Variants in ZNF486 observed in about 807,000 individuals in gnomAD.
The protein encoded by ZNF486 is KRAB box only protein 2.
Under a neutral mutation model 12.8 loss-of-function variants are expected in ZNF486, and 12 were observed. The ratio of observed to expected loss-of-function variants is 0.94; its 90% CI spans 0.60 to 1.52. ZNF486 has a LOEUF of 1.52. Among genes scored for constraint, ZNF486 ranks in the 40% most tolerant of loss-of-function variants. The pLI, the probability that ZNF486 is intolerant of heterozygous loss-of-function variation, is 0.00. For missense variants in ZNF486, 738 were observed against 545.0 expected, an observed-to-expected ratio of 1.35 and a Z score of -3.53; for synonymous variants, 231 against 184.9, an observed-to-expected ratio of 1.25 and a Z score of -2.02.
At position 20,169,090 on chromosome 19, in the gene ZNF486, C is replaced by T. The variant is rs534469906; in HGVS notation, c.30+1730C>T. 2.4e-3 allele frequency among the ~76,000 whole-genome samples: 362 copies of T among 152,158 alleles called. 4 individuals are homozygous for T. The highest frequency in any genetic ancestry group is 8.2e-3 in the African/African-American group (342 of 41,516). On this transcript the variant is annotated intron_variant, in intron 1 of 3. Transcript: ENST00000335117. ...TCCTGACCTTGTGATCCGCCTACCT[C>T]AGCCTCCCGAAGTGGTGGGGTTACT...
rs782490115 is a variant in ZNF486 at position 20,193,298 on chromosome 19, CTT to C, written c.254-3653_254-3652del. Among the ~76,000 whole-genome samples, 483 of 142,696 alleles carry C rather than the reference CTT, an allele frequency of 3.4e-3. 8 individuals carry two copies. The highest frequency in any genetic ancestry group is 0.029 in the Admixed American group (407 of 14,184). The allele number at this position is 142,696 out of a possible 152,430, so 93.6% of individuals were successfully genotyped here. On this transcript the variant is annotated intron_variant, in intron 3 of 3. Transcript: ENST00000335117. ...AAACTTTAAAGTTTTTATGTACCAT[CTT>C]TTTTTTTTTTTTGAAACTGGGTCTC...
chr19:20,174,403 T>C (rs536725427), intron 1 of ZNF486, among the ~76,000 whole-genome samples: 1 of 147,532 alleles, frequency 6.8e-6, no homozygotes, highest in African/African-American at 2.4e-5. Context: ...CTTTCTTCTT[T>C]TTTTTTTTTG....
intron 3 of ZNF486, among the ~76,000 whole-genome samples, chr19:20,191,809 A>T (rs922465433): frequency 6.6e-5 from 10 of 152,090 alleles, no homozygotes; most frequent in Non-Finnish European, 1.3e-4. Flanking sequence ...ATGCAGTCTC[A>T]AGTATTCCTC....
chr19:20,185,912 T>A, intron 2 of ZNF486, 75 bp from the exon 3 acceptor site: 2 of 864,006 alleles, frequency 2.3e-6, no homozygotes, highest in Non-Finnish European at 3.3e-6. Context: ...ATTACATTCT[T>A]TCTGCTGAGC....
intron 1 of ZNF486, among the ~76,000 whole-genome samples, chr19:20,169,694 CTAAT>C (rs1286769041): frequency 6.6e-6 from 1 of 151,598 alleles, no homozygotes; most frequent in Non-Finnish European, 1.5e-5. Context: ...AAAGTACCAA[CTAAT>C]TATAAGGTCT....
At chr19:20,189,174 A>G (rs193117391) in intron 3 of ZNF486, among the ~76,000 whole-genome samples, 2 of 152,126 alleles carry the variant, frequency 1.3e-5, no homozygotes, top group East Asian at 3.9e-4. Context: ...TCCTGGGTTC[A>G]AGCAATTCTG....
At chr19:20,179,197 A>G (rs1000817571) in intron 1 of ZNF486, among the ~76,000 whole-genome samples, 17 of 152,240 alleles carry the variant, frequency 1.1e-4, no homozygotes, top group African/African-American at 4.1e-4. Flanking sequence ...GGCACAAGTG[A>G]CTATAAATTA....
At position 20,167,276 on chromosome 19, in the gene ZNF486, A is replaced by T; in HGVS notation, c.-55A>T. On this transcript the variant is annotated 5_prime_UTR_variant, in exon 1 of 4. Transcript: ENST00000335117. ...GCTACTCTGTGTCCTCTGCTCCTAG[A>T]GGCCCACCCTCTGTGGCCCTGTGTC... 6.2e-7 allele frequency: 1 copy of T among 1,611,692 alleles called. No homozygotes were observed. The highest frequency in any genetic ancestry group is 8.5e-7 in the Non-Finnish European group (1 of 1,177,876).
rs144322840 is a variant in ZNF486 at position 20,199,607 on chromosome 19, G to C, written c.*1505G>C. The C allele has an allele frequency of 6.6e-6, 1 of 151,238 alleles. No individual in the cohort carries two copies. Among genetic ancestry groups the C allele is most frequent in the Admixed American group, 6.6e-5 (1 of 15,152 alleles). The allele number at this position is 151,238 out of a possible 1,614,324, so 9.4% of individuals were successfully genotyped here. A position where few individuals can be genotyped will look rare whatever the true frequency, so the allele number is the denominator to read the frequency against. On this transcript the variant is annotated 3_prime_UTR_variant, in exon 4 of 4. Coordinates refer to ENST00000335117, the MANE Select transcript of ZNF486 (RefSeq NM_052852.4). ...TAGCCATGCATGGTGGCACATGCCT[G>C]TAATCCCAGCTACTCAGGAGGCTTG...
rs951512344 is a variant in ZNF486 at position 20,199,694 on chromosome 19, G to C, written c.*1592G>C. ...TTGCACTCCAGCCTGGGCAATAAGA[G>C]TGAAACTCTGTCTCCAGGAAAAAAA... is the stretch of plus-strand genomic sequence containing the variant. On this transcript the variant is annotated 3_prime_UTR_variant, in exon 4 of 4. Transcript: ENST00000335117. 4.0e-5 allele frequency: 6 copies of C among 151,414 alleles called. No individual in the cohort carries two copies. The highest frequency in any genetic ancestry group is 7.4e-5 in the Non-Finnish European group (5 of 67,934). 9.4% of individuals were successfully genotyped at this position (151,414 alleles called of 1,614,324 possible).
At chr19:20,189,312 C>G (rs184248835) in intron 3 of ZNF486, among the ~76,000 whole-genome samples, 2 of 152,144 alleles carry the variant, frequency 1.3e-5, no homozygotes, top group African/African-American at 4.8e-5. Flanking sequence ...CTCAGGTAAT[C>G]ACCCACCTTG....
intron 1 of ZNF486, among the ~76,000 whole-genome samples, chr19:20,170,596 C>T (rs1324695833): frequency 6.6e-6 from 1 of 151,816 alleles, no homozygotes; most frequent in African/African-American, 2.4e-5. Context: ...AGAAATTTGA[C>T]CACTGAAGAC....
intron 2 of ZNF486, among the ~76,000 whole-genome samples, chr19:20,185,755 T>G (rs1022326743): frequency 6.6e-6 from 1 of 151,672 alleles, no homozygotes; most frequent in South Asian, 2.1e-4. Flanking sequence ...AAATATAAGA[T>G]TGTATGATCT....
chr19:20,189,262 G>A (rs1261025219), intron 3 of ZNF486, among the ~76,000 whole-genome samples: 1 of 152,046 alleles, frequency 6.6e-6, no homozygotes, highest in Non-Finnish European at 1.5e-5. Flanking sequence ...TAGTATTATG[G>A]GGTTTATTAT....
chr19:20,186,974 G>A (rs190581902), intron 3 of ZNF486, among the ~76,000 whole-genome samples: 2 of 150,912 alleles, frequency 1.3e-5, no homozygotes, highest in East Asian at 3.9e-4. Flanking sequence ...TTTGTAGAGA[G>A]GGGTTTCACC....
chr19:20,184,707 T>G (rs1021188671), intron 2 of ZNF486, among the ~76,000 whole-genome samples: 4 of 152,192 alleles, frequency 2.6e-5, no homozygotes, highest in Non-Finnish European at 5.9e-5. Flanking sequence ...TCACTCTAAA[T>G]TAGTGGTAAT....
chr19:20,172,383 G>A (rs1442232605), intron 1 of ZNF486, among the ~76,000 whole-genome samples: 1 of 150,020 alleles, frequency 6.7e-6, no homozygotes, highest in Non-Finnish European at 1.5e-5. Context: ...TTGACCAACT[G>A]CAACCTTCAC....
At chr19:20,191,588 T>C (rs1463742222) in intron 3 of ZNF486, among the ~76,000 whole-genome samples, 1 of 143,402 alleles carries the variant, frequency 7.0e-6, no homozygotes, top group Non-Finnish European at 1.5e-5. Context: ...GCTAAGACGG[T>C]GAAACCCCGT....
At chr19:20,193,819 AT>A (rs1172657169) in intron 3 of ZNF486, among the ~76,000 whole-genome samples, 1 of 150,304 alleles carries the variant, frequency 6.7e-6, no homozygotes, top group Non-Finnish European at 1.5e-5. Context: ...TGTTTTTTTA[AT>A]TTTTTGTATT....
Sources: allele counts gnomAD v4.1 joint callset (sites outside exome capture counted in the v4.1 genomes callset), GRCh38; gene constraint gnomAD v4.1.1; transcripts MANE v1.5; gene names NCBI Gene and HGNC (gene_info 2026-07-23, HGNC 2026-07-21).